The following ZFHX3 variants were observed in gnomAD, a reference collection of about 807,000 sequenced individuals.
The protein encoded by ZFHX3 is zinc finger homeobox 3, also known as zinc finger homeobox protein 3.
Under a neutral mutation model 279.1 loss-of-function variants are expected in ZFHX3, and 42 were observed. The ratio of observed to expected loss-of-function variants is 0.15; its 90% CI spans 0.12 to 0.19. The LOEUF (loss-of-function observed/expected upper bound fraction) is 0.19. ZFHX3 is among the 10% of genes least tolerant of loss of function. ZFHX3 has a pLI of 1.00. For missense variants in ZFHX3, 4,981 were observed against 4,754.0 expected (o/e 1.05, Z -1.40); for synonymous variants, 2,293 against 1,957.8 (o/e 1.17, Z -4.52).
At chr16:73,835,951 A>C (rs1407218162) in intron 1 of ZFHX3, among the ~76,000 whole-genome samples, 1 of 152,212 alleles carries the variant, frequency 6.6e-6, no homozygotes, top group Non-Finnish European at 1.5e-5. Flanking sequence ...ATAATTCAAA[A>C]GGGCCACAAA....
At chr16:73,413,203 A>G (rs1597325115) in intron 3 of ZFHX3, among the ~76,000 whole-genome samples, 2 of 152,362 alleles carry the variant, frequency 1.3e-5, no homozygotes. Flanking sequence ...AAAAATAGGT[A>G]ATAGTTCAAG....
intron 2 of ZFHX3, among the ~76,000 whole-genome samples, chr16:73,669,226 G>C (rs1020085297): frequency 2.6e-5 from 4 of 151,960 alleles, no homozygotes; most frequent in African/African-American, 9.7e-5. Flanking sequence ...GCTAATTTTT[G>C]TATTTTTAGT....
chr16:73,710,769 G>A (rs532540517), intron 1 of ZFHX3, among the ~76,000 whole-genome samples: 6 of 152,090 alleles, frequency 3.9e-5, no homozygotes, highest in East Asian at 1.9e-4. Flanking sequence ...CTTCCCCCTC[G>A]ACCCCCGGCC....
At chr16:73,014,141 A>AC (rs1299457035) in intron 1 of ZFHX3, among the ~76,000 whole-genome samples, 1 of 152,110 alleles carries the variant, frequency 6.6e-6, no homozygotes, top group Non-Finnish European at 1.5e-5. Flanking sequence ...ATCAACCCAG[A>AC]AATGTGGGGG....
At chr16:73,461,525 A>T (rs2018470454) in intron 2 of ZFHX3, among the ~76,000 whole-genome samples, 1 of 152,144 alleles carries the variant, frequency 6.6e-6, no homozygotes, top group Non-Finnish European at 1.5e-5. Context: ...TATGTTTTGC[A>T]TTGAATTCTG....
chr16:73,669,333 C>A (rs1182736674), intron 2 of ZFHX3, among the ~76,000 whole-genome samples: 1 of 152,162 alleles, frequency 6.6e-6, no homozygotes, highest in African/African-American at 2.4e-5. Context: ...GGATTACAGG[C>A]GTGAGCCACC....
At chr16:73,629,340 G>A (rs931481341) in intron 2 of ZFHX3, among the ~76,000 whole-genome samples, 1 of 151,966 alleles carries the variant, frequency 6.6e-6, no homozygotes, top group Non-Finnish European at 1.5e-5. Flanking sequence ...TCTGACTCCA[G>A]CAGATTCAGA....
intron 4 of ZFHX3, among the ~76,000 whole-genome samples, chr16:73,281,796 A>G (rs1245340052): frequency 6.6e-6 from 1 of 152,240 alleles, no homozygotes; most frequent in African/African-American, 2.4e-5. Context: ...TCATACCTCA[A>G]TTAAGCGGTT....
intron 3 of ZFHX3, among the ~76,000 whole-genome samples, chr16:72,921,364 C>A (rs150507032): frequency 1.3e-5 from 2 of 152,276 alleles, no homozygotes; most frequent in East Asian, 1.9e-4. Flanking sequence ...AAAATGCTTG[C>A]GGCTTTCCTG....
At chr16:73,032,878 G>A (rs1384468336) in intron 1 of ZFHX3, among the ~76,000 whole-genome samples, 3 of 152,156 alleles carry the variant, frequency 2.0e-5, no homozygotes, top group African/African-American at 7.2e-5. Context: ...AAACCGGAGA[G>A]GTTGAACTGT....
In ZFHX3 at chr16:73,817,176, A is replaced by C. The variant is rs190581833; in HGVS notation, c.-1608+74475T>G. On this transcript the variant is annotated intron_variant, in intron 1 of 17. Coordinates refer to the ZFHX3 transcript ENST00000641206. ...CACATGCAGCCACGTGCATTAGTGC[A>C]TACGATTTCTTGAGCTGACAGTGAA... 2.4e-3 allele frequency among the ~76,000 whole-genome samples: 364 copies of C among 152,300 alleles called. 3 individuals carry two copies. The highest frequency in any genetic ancestry group is 0.014 in the Middle Eastern group (4 of 294).
chr16:73,400,425 C>G (rs1388878234), intron 3 of ZFHX3: 1 of 152,180 alleles, frequency 6.6e-6, no homozygotes, highest in African/African-American at 2.4e-5. Flanking sequence ...GAAGGAAGAG[C>G]TGAACCATTC....
Position 72,958,074 on chromosome 16 carries a change from T to C in ZFHX3, c.2072A>G (p.Lys691Arg), listed in dbSNP as rs1483159941. Residue 691 changes from lysine to arginine, a missense_variant, in exon 2 of 10, where the codon AAG (lysine) becomes AGG (arginine). Transcript: ENST00000268489. ...KYQQTLEAHMKEKHPEPGGSC... is the reference protein window; with the variant it reads ...KYQQTLEAHMREKHPEPGGSC... The stretch of plus-strand genomic sequence containing the variant: ...GCCCCCCGGCTCCGGGTGCTTCTCC[T>C]TCATGTGTGCCTCCAGGGTCTGCTG... The C allele has an allele frequency of 1.2e-6, 2 of 1,614,048 alleles. No homozygotes were observed. The highest frequency in any genetic ancestry group is 4.5e-5 in the East Asian group (2 of 44,870).
chr16:72,958,876 C>T lies in ZFHX3; in HGVS notation c.1270G>A (p.Ala424Thr). Residue 424 changes from alanine (A) to threonine (T), a missense_variant, in exon 2 of 10, where the codon GCT becomes ACT. Ala to Thr is a moderately conservative substitution (Grantham distance 58). Coordinates refer to ENST00000268489, the MANE Select transcript of ZFHX3 (RefSeq NM_006885.4). The stretch of plus-strand genomic sequence containing the variant: ...TCTGAGGATTTGGTAGGACTGGAAG[C>T]CAGAGGCCCCAGGGGGACTGAGGTA... ...PITSVPLGPL[A>T]SSPTKSSEGK... is the part of the protein sequence containing the mutation. 1 of 1,612,274 alleles carries T rather than the reference C, an allele frequency of 6.2e-7. No homozygotes were observed. Among genetic ancestry groups the T allele is most frequent in the Middle Eastern group, 1.7e-4 (1 of 6,050 alleles).
intron 2 of ZFHX3, among the ~76,000 whole-genome samples, chr16:73,667,141 G>C (rs1052407223): frequency 6.6e-6 from 1 of 151,950 alleles, no homozygotes; most frequent in South Asian, 2.1e-4. Flanking sequence ...ACAGGTGCCC[G>C]CCACCACGCC....
chr16:73,346,224 T>G (rs574488474), intron 3 of ZFHX3, among the ~76,000 whole-genome samples: 1 of 152,288 alleles, frequency 6.6e-6, no homozygotes, highest in African/African-American at 2.4e-5. Flanking sequence ...TGCCTGCCTT[T>G]TGGAACTTTT....
intron 3 of ZFHX3, among the ~76,000 whole-genome samples, chr16:73,394,379 C>T (rs922480652): frequency 2.6e-5 from 4 of 151,956 alleles, no homozygotes. Context: ...CCACTGCAAC[C>T]TCCACCTCCT....
In ZFHX3 at chr16:73,155,188, A is replaced by AC. The variant is rs1319925885; in HGVS notation, c.-1103-11358_-1103-11357insG. ...ACTCTGTCTCAAAAAAACAAAAAAAAAAAAAACAAAAAAAAGGAAAAAATA... is the reference window on the plus strand; with the variant it reads ...ACTCTGTCTCAAAAAAACAAAAAAAACAAAAAACAAAAAAAAGGAAAAAATA... On this transcript the variant is annotated intron_variant, in intron 5 of 17. Transcript: ENST00000641206. 3.3e-5 allele frequency among the ~76,000 whole-genome samples: 5 copies of AC among 151,646 alleles called. No homozygotes were observed. The East Asian group carries it at 7.7e-4, about 23-fold the overall frequency.
chr16:73,396,644 A>C (rs2017135355), intron 3 of ZFHX3, among the ~76,000 whole-genome samples: 1 of 152,160 alleles, frequency 6.6e-6, no homozygotes, highest in South Asian at 2.1e-4. Context: ...AGAAGGGGGA[A>C]GTGTGCCAGA....
Sources: gnomAD v4.1 joint callset for allele counts (sites outside exome capture counted in the v4.1 genomes callset) on GRCh38, gnomAD v4.1.1 for gene constraint, MANE v1.5 for transcripts, NCBI Gene and HGNC (gene_info 2026-07-23, HGNC 2026-07-21) for gene names.